Variants in MAP4 observed in about 807,000 individuals in gnomAD.
The protein encoded by MAP4 is microtubule-associated protein 4.
A neutral mutation model predicts 170.2 loss-of-function variants in MAP4; 76 were observed. The ratio of observed to expected loss-of-function variants is 0.45; its 90% CI spans 0.37 to 0.54. MAP4 has a LOEUF of 0.54. Among genes scored for constraint, MAP4 ranks in the 20% least tolerant of loss-of-function variants. The probability of loss-of-function intolerance (pLI) is 0.00; values close to 1 mark genes in which losing one functional copy is unlikely to be tolerated. For synonymous variants in MAP4, 909 were observed against 994.5 expected, an observed-to-expected ratio of 0.91 and a Z score of 1.62; for missense variants, 2,506 against 2,748.0, an observed-to-expected ratio of 0.91 and a Z score of 1.97.
intron 9 of MAP4, among the ~76,000 whole-genome samples, chr3:47,905,912 T>C (rs1319570225): frequency 6.6e-6 from 1 of 152,054 alleles, no homozygotes; most frequent in Non-Finnish European, 1.5e-5. Flanking sequence ...GAGAATCGCT[T>C]GAACCTGGGA....
intron 10 of MAP4, among the ~76,000 whole-genome samples, chr3:47,887,249 G>T (rs1289913868): frequency 1.3e-5 from 2 of 152,242 alleles, no homozygotes; most frequent in African/African-American, 4.8e-5. Context: ...AGCACTTGCG[G>T]GTCAGCTGGA....
At chr3:48,054,959 T>C (rs1055952255) in intron 1 of MAP4, among the ~76,000 whole-genome samples, 1 of 152,124 alleles carries the variant, frequency 6.6e-6, no homozygotes, top group Admixed American at 6.6e-5. Flanking sequence ...GTTTAAAACC[T>C]ACCCGTTCTA....
intron 1 of MAP4, chr3:48,013,612 T>G (rs923691408): frequency 1.3e-5 from 2 of 150,604 alleles, no homozygotes; most frequent in African/African-American, 2.4e-5. Flanking sequence ...TAGCTATAAA[T>G]AAACCCCCTA....
chr3:48,002,636 T>C (rs941528478), intron 1 of MAP4, among the ~76,000 whole-genome samples: 3 of 151,692 alleles, frequency 2.0e-5, no homozygotes, highest in African/African-American at 4.8e-5. Context: ...ACCCCAACAA[T>C]TTGAGAGCCT....
At chr3:47,905,122 T>A (rs2100032219) in intron 9 of MAP4, among the ~76,000 whole-genome samples, 1 of 152,128 alleles carries the variant, frequency 6.6e-6, no homozygotes, top group Non-Finnish European at 1.5e-5. Flanking sequence ...GGAACAAAGA[T>A]AAACACCAGT....
rs182500657 is a variant in MAP4 at position 47,977,856 on chromosome 3, A to C, written c.292+9T>G. On this transcript the variant is annotated intron_variant, in intron 3 of 20. Coordinates refer to ENST00000683076, the MANE Select transcript of MAP4 (RefSeq NM_001385682.1). ...CCTACACATTTGGGGAATCCTGGGA[A>C]TCACTTACCTGTAGTATCGCTCCCT... 5.5e-3 allele frequency: 8,770 copies of C among 1,601,964 alleles called. 44 individuals carry two copies. Among genetic ancestry groups the C allele is most frequent in the Non-Finnish European group, 6.8e-3 (7,910 of 1,169,594 alleles).
intron 3 of MAP4, among the ~76,000 whole-genome samples, chr3:47,947,683 C>A (rs1169062183): frequency 2.0e-5 from 3 of 151,312 alleles, no homozygotes. Flanking sequence ...TGGTGGTGGG[C>A]GCCTGTAGTC....
chr3:47,918,050 T>G (rs150809123), intron 6 of MAP4, among the ~76,000 whole-genome samples: 2 of 152,184 alleles, frequency 1.3e-5, no homozygotes, highest in Non-Finnish European at 2.9e-5. Flanking sequence ...TGGCGCAATC[T>G]CGGCTGACAG....
At chr3:48,013,501 G>A (rs376023829) in intron 1 of MAP4, 2 of 152,044 alleles carry the variant, frequency 1.3e-5, no homozygotes, top group Non-Finnish European at 1.5e-5. Flanking sequence ...TCACCTTTCA[G>A]GGCTGAGTTC....
At chr3:48,087,193 A>G (rs1336211755) in intron 1 of MAP4, among the ~76,000 whole-genome samples, 1 of 152,220 alleles carries the variant, frequency 6.6e-6, no homozygotes, top group African/African-American at 2.4e-5. Flanking sequence ...AATTTAAAAG[A>G]CACAGCCTGA....
At chr3:48,027,454 C>A (rs1303365104) in intron 1 of MAP4, among the ~76,000 whole-genome samples, 2 of 152,186 alleles carry the variant, frequency 1.3e-5, no homozygotes, top group Non-Finnish European at 2.9e-5. Context: ...CTAGGTCAAA[C>A]AGGCCCCTTG....
At chr3:47,892,327 G>A in intron 10 of MAP4, 2 of 1,536,252 alleles carry the variant, frequency 1.3e-6, no homozygotes, top group African/African-American at 1.4e-5. Context: ...CGTCCATGCT[G>A]ACATTCAGCC....
At chr3:48,083,023 G>A (rs1230489855) in intron 1 of MAP4, among the ~76,000 whole-genome samples, 2 of 152,094 alleles carry the variant, frequency 1.3e-5, no homozygotes, top group Non-Finnish European at 2.9e-5. Flanking sequence ...TAGGGAAGGA[G>A]AGACTAAGAA....
chr3:48,072,034 A>G (rs2100141277), intron 1 of MAP4, among the ~76,000 whole-genome samples: 1 of 151,940 alleles, frequency 6.6e-6, no homozygotes, highest in Admixed American at 6.6e-5. Context: ...CAGCCTGGCT[A>G]CTAAAAACAT....
At chr3:47,915,000 T>A in intron 7 of MAP4, 61 bp from the exon 8 acceptor site, 1 of 1,607,218 alleles carries the variant, frequency 6.2e-7, no homozygotes. Context: ...CTATTTTCCA[T>A]CTGCCAGAAA....
chr3:48,044,080 G>A (rs886690192), intron 1 of MAP4, among the ~76,000 whole-genome samples: 17 of 151,712 alleles, frequency 1.1e-4, no homozygotes, highest in African/African-American at 2.2e-4. Context: ...TCCTGACCTC[G>A]TGATCTGCCC....
chr3:47,977,845 G>T lies in MAP4; in HGVS notation c.292+20C>A. 6.4e-7 allele frequency: 1 copy of T among 1,572,784 alleles called. No homozygotes were observed. On this transcript the variant is annotated intron_variant, in intron 3 of 20. Transcript: ENST00000683076. ...TAAGTGCATCACCTACACATTTGGG[G>T]AATCCTGGGAATCACTTACCTGTAG... is the stretch of plus-strand genomic sequence containing the variant.
At chr3:48,085,180 C>T (rs1056082438) in intron 1 of MAP4, among the ~76,000 whole-genome samples, 3 of 146,150 alleles carry the variant, frequency 2.1e-5, no homozygotes, top group African/African-American at 5.1e-5. Flanking sequence ...CAACTACTCA[C>T]GCTTAATCTT....
intron 10 of MAP4, among the ~76,000 whole-genome samples, chr3:47,884,259 T>C (rs1466841776): frequency 6.6e-6 from 1 of 152,254 alleles, no homozygotes; most frequent in Non-Finnish European, 1.5e-5. Context: ...CTCTGTTATC[T>C]GCAGTCTGCT....
Sources: gnomAD v4.1 joint callset for allele counts (sites outside exome capture counted in the v4.1 genomes callset) on GRCh38, gnomAD v4.1.1 for gene constraint, MANE v1.5 for transcripts, NCBI Gene and HGNC (gene_info 2026-07-23, HGNC 2026-07-21) for gene names.